Variants in LUC7L2 observed in about 807,000 individuals in gnomAD.
LUC7L2 encodes the protein putative RNA-binding protein Luc7-like 2.
In LUC7L2, 25 loss-of-function variants were observed where a neutral mutation model predicts 52.8. That is an observed-to-expected ratio of 0.47 (90% CI 0.34 to 0.66). The LOEUF (loss-of-function observed/expected upper bound fraction) is 0.66, where lower values mean the gene tolerates loss of function less well. Among genes scored for constraint, LUC7L2 ranks in the 30% least tolerant of loss-of-function variants. LUC7L2 has a pLI of 0.01. For synonymous variants in LUC7L2, 144 were observed against 160.9 expected, an observed-to-expected ratio of 0.89 and a Z score of 0.80; for missense variants, 328 against 497.8, an observed-to-expected ratio of 0.66 and a Z score of 3.25.
intron 2 of LUC7L2, among the ~76,000 whole-genome samples, chr7:139,378,271 A>T (rs1432580246): frequency 3.3e-5 from 5 of 152,138 alleles, no homozygotes; most frequent in Non-Finnish European, 7.4e-5. Context: ...TATTTAATTT[A>T]AAAAATTTAC....
chr7:139,345,404 T>C lies in LUC7L2; in HGVS notation c.-26+4887T>C. On this transcript the variant is annotated intron_variant, in intron 1 of 10. Coordinates refer to the LUC7L2 transcript ENST00000541170. ...ACATGTCTGTATTTCCTCTGTGCAATTTACTTTCACTCTAGTGAATGCTTA... is the reference window on the plus strand; with the variant it reads ...ACATGTCTGTATTTCCTCTGTGCAACTTACTTTCACTCTAGTGAATGCTTA... 9 of 1,519,986 alleles carry C rather than the reference T, an allele frequency of 5.9e-6. No homozygotes were observed. In the South Asian group the frequency reaches 1.0e-4, roughly 17 times the overall value. 94.2% of individuals were successfully genotyped at this position (1,519,986 alleles called of 1,614,324 possible).
At chr7:139,346,857 A>G (rs539743314) in intron 1 of LUC7L2, among the ~76,000 whole-genome samples, 3 of 152,350 alleles carry the variant, frequency 2.0e-5, no homozygotes, top group Admixed American at 2.0e-4. Context: ...TAACCAAGAC[A>G]GAAACTTGGG....
intron 8 of LUC7L2, among the ~76,000 whole-genome samples, chr7:139,415,054 GTTTT>G (rs1171809951): frequency 3.7e-5 from 2 of 54,188 alleles, no homozygotes; most frequent in Non-Finnish European, 6.2e-5. Context: ...GCCCTGCTAA[GTTTT>G]TTTTTTTTTT....
chr7:139,368,646 G>A (rs1437216478), intron 1 of LUC7L2, among the ~76,000 whole-genome samples: 1 of 149,948 alleles, frequency 6.7e-6, no homozygotes, highest in African/African-American at 2.5e-5. Flanking sequence ...GCTGAGGTTG[G>A]AGAATTGTTT....
intron 8 of LUC7L2, among the ~76,000 whole-genome samples, chr7:139,413,499 A>T (rs913949232): frequency 6.6e-5 from 10 of 152,196 alleles, no homozygotes; most frequent in African/African-American, 2.4e-4. Context: ...AACCTGGCTG[A>T]GCGCAGTGCC....
chr7:139,382,758 G>T (rs1194452320), intron 2 of LUC7L2, among the ~76,000 whole-genome samples: 1 of 152,194 alleles, frequency 6.6e-6, no homozygotes, highest in Non-Finnish European at 1.5e-5. Context: ...TTGGTTGTCA[G>T]ATATTCTGAC....
At chr7:139,379,370 CTT>C (rs34846398) in intron 2 of LUC7L2, among the ~76,000 whole-genome samples, 2 of 144,496 alleles carry the variant, frequency 1.4e-5, no homozygotes, top group African/African-American at 5.1e-5. Context: ...CATTTCCTGC[CTT>C]TTTTTTTTTC....
At chr7:139,403,247 G>A (rs1046461703) in intron 4 of LUC7L2, among the ~76,000 whole-genome samples, 25 of 152,118 alleles carry the variant, frequency 1.6e-4, no homozygotes, top group African/African-American at 5.8e-4. Context: ...ATTTTTTAAT[G>A]TTATCCAGTG....
intron 2 of LUC7L2, among the ~76,000 whole-genome samples, chr7:139,398,154 T>C (rs1794740556): frequency 6.6e-6 from 1 of 152,228 alleles, no homozygotes; most frequent in South Asian, 2.1e-4. Context: ...CCACCATGCC[T>C]GGCCACCAGT....
chr7:139,387,509 T>C (rs1434268973), intron 2 of LUC7L2, among the ~76,000 whole-genome samples: 1 of 152,164 alleles, frequency 6.6e-6, no homozygotes, highest in Non-Finnish European at 1.5e-5. Flanking sequence ...ATTTATTTTT[T>C]ATACGAGAGC....
At chr7:139,393,290 A>G (rs1794524581) in intron 2 of LUC7L2, among the ~76,000 whole-genome samples, 1 of 151,704 alleles carries the variant, frequency 6.6e-6, no homozygotes, top group African/African-American at 2.4e-5. Context: ...GGGTATGGTG[A>G]TGTGTGCCTG....
At chr7:139,372,486 G>C (rs1013030516) in intron 1 of LUC7L2, among the ~76,000 whole-genome samples, 1 of 151,276 alleles carries the variant, frequency 6.6e-6, no homozygotes, top group Non-Finnish European at 1.5e-5. Flanking sequence ...TCTAAGTCCT[G>C]TCTTTCCTTC....
intron 1 of LUC7L2, among the ~76,000 whole-genome samples, chr7:139,361,135 A>T (rs1432074085): frequency 4.6e-5 from 7 of 152,246 alleles, no homozygotes; most frequent in Non-Finnish European, 8.8e-5. Context: ...CCTTTGTCAT[A>T]AAGAGAATTT....
intron 1 of LUC7L2, among the ~76,000 whole-genome samples, chr7:139,368,069 A>C (rs1442476933): frequency 1.3e-5 from 2 of 152,158 alleles, no homozygotes; most frequent in Non-Finnish European, 2.9e-5. Flanking sequence ...TTCCTGTTAC[A>C]ATTTAATTTA....
At chr7:139,406,034 C>T (rs2131291592) in intron 5 of LUC7L2, among the ~76,000 whole-genome samples, 1 of 152,208 alleles carries the variant, frequency 6.6e-6, no homozygotes. Flanking sequence ...CGCTTGAGTC[C>T]AGTTCAAGTC....
chr7:139,371,721 C>T (rs527561538), intron 1 of LUC7L2, among the ~76,000 whole-genome samples: 13 of 152,024 alleles, frequency 8.6e-5, no homozygotes, highest in Non-Finnish European at 1.6e-4. Context: ...TGACAGTGGG[C>T]TTATTTTTTC....
intron 2 of LUC7L2, among the ~76,000 whole-genome samples, chr7:139,396,254 A>G (rs1794658831): frequency 6.6e-6 from 1 of 152,016 alleles, no homozygotes; most frequent in African/African-American, 2.4e-5. Flanking sequence ...CCTGGGCAAG[A>G]TAGCACCCTT....
chr7:139,400,091 A>G (rs756412584), intron 3 of LUC7L2, among the ~76,000 whole-genome samples: 3 of 152,004 alleles, frequency 2.0e-5, no homozygotes, highest in Non-Finnish European at 4.4e-5. Flanking sequence ...TTTCAGAAAT[A>G]TAATTTACAA....
intron 1 of LUC7L2, among the ~76,000 whole-genome samples, chr7:139,343,136 A>G (rs1451949623): frequency 6.6e-6 from 1 of 152,234 alleles, no homozygotes; most frequent in African/African-American, 2.4e-5. Flanking sequence ...CAACCGAATC[A>G]AGAGCAGTAT....
Sources: allele counts gnomAD v4.1 joint callset (sites outside exome capture counted in the v4.1 genomes callset), GRCh38; gene constraint gnomAD v4.1.1; transcripts MANE v1.5; gene names NCBI Gene and HGNC (gene_info 2026-07-23, HGNC 2026-07-21).